PCDH15: variants seen among roughly 807,000 people sequenced by gnomAD.
PCDH15 encodes protocadherin-15.
PCDH15 carries 129 observed loss-of-function variants against 178.5 expected under a neutral mutation model. The observed-to-expected ratio is 0.72, with a 90% confidence interval of 0.63 to 0.84. PCDH15 has a LOEUF of 0.84. PCDH15 is among the 40% of genes least tolerant of loss of function. The probability of loss-of-function intolerance (pLI) is 0.00; values close to 1 mark genes in which losing one functional copy is unlikely to be tolerated. For missense variants in PCDH15, 2,230 were observed against 2,099.9 expected, an observed-to-expected ratio of 1.06 and a Z score of -1.21; for synonymous variants, 800 against 732.0, an observed-to-expected ratio of 1.09 and a Z score of -1.50.
At chr10:54,523,174 G>C (rs1243100450) in intron 3 of PCDH15, among the ~76,000 whole-genome samples, 1 of 152,154 alleles carries the variant, frequency 6.6e-6, no homozygotes, top group Non-Finnish European at 1.5e-5. Context: ...GGAGAATCTA[G>C]AAAGCAAAAA....
chr10:55,078,038 T>C (rs1313071714), intron 2 of PCDH15, among the ~76,000 whole-genome samples: 5 of 152,192 alleles, frequency 3.3e-5, no homozygotes, highest in Non-Finnish European at 7.3e-5. Context: ...GCATTTGCTT[T>C]CAGGGAAAGG....
chr10:53,940,865 CCTT>C lies in PCDH15; in HGVS notation c.3230_3232del (p.Glu1077del), dbSNP rs2085998615. 1 of 1,604,118 alleles carries C rather than the reference CCTT, an allele frequency of 6.2e-7. No homozygotes were observed. Among genetic ancestry groups the C allele is most frequent in the Non-Finnish European group, 8.5e-7 (1 of 1,171,036 alleles). On this transcript the variant is annotated inframe_deletion and splice_region_variant, in exon 24 of 38. Transcript: ENST00000644397. Reference sequence around the variant, plus strand: ...AGAACACAAACTAAAAGTCTACTCACCTTCTTCATTTCCTGAAACAATGGAGTA... The same window carrying C: ...AGAACACAAACTAAAAGTCTACTCACCTTCATTTCCTGAAACAATGGAGTA...
chr10:54,355,364 C>T (rs1026933444), intron 5 of PCDH15, among the ~76,000 whole-genome samples: 1 of 151,402 alleles, frequency 6.6e-6, no homozygotes, highest in African/African-American at 2.4e-5. Flanking sequence ...TTATTTTGGG[C>T]CCCTAAGAAA....
intron 25 of PCDH15, among the ~76,000 whole-genome samples, chr10:53,933,996 C>T (rs1029306458): frequency 2.0e-5 from 3 of 151,978 alleles, no homozygotes; most frequent in Non-Finnish European, 2.9e-5. Flanking sequence ...CTGTTCATGT[C>T]CTTCGCCCAC....
In PCDH15 at chr10:54,153,086, C is replaced by G; in HGVS notation, c.1784+14G>C. ...GCCCGATGAAAAGACTGCATTGGTT[C>G]TAATATAAATTACCTTCGCTCTGCA... On this transcript the variant is annotated intron_variant, in intron 14 of 37. Transcript: ENST00000644397. 1.2e-6 allele frequency: 2 copies of G among 1,613,502 alleles called. No individual in the cohort carries two copies. The highest frequency in any genetic ancestry group is 1.1e-5 in the South Asian group (1 of 91,054).
chr10:54,977,628 A>G (rs954426853), intron 2 of PCDH15, among the ~76,000 whole-genome samples: 1 of 152,178 alleles, frequency 6.6e-6, no homozygotes, highest in African/African-American at 2.4e-5. Context: ...AAAATGCCCA[A>G]TAAGCAGCCC....
At chr10:53,901,220 T>C (rs2082312679) in intron 26 of PCDH15, among the ~76,000 whole-genome samples, 1 of 152,152 alleles carries the variant, frequency 6.6e-6, no homozygotes, top group East Asian at 1.9e-4. Context: ...TATTTCTCTC[T>C]CAAGTCTAGA....
chr10:54,896,155 G>A (rs751642214), intron 3 of PCDH15, among the ~76,000 whole-genome samples: 1 of 152,144 alleles, frequency 6.6e-6, no homozygotes, highest in Non-Finnish European at 1.5e-5. Flanking sequence ...AAAGTGCTGG[G>A]ATTGCAAGGG....
At chr10:54,821,780 C>T (rs1035516219) in intron 3 of PCDH15, among the ~76,000 whole-genome samples, 7 of 152,058 alleles carry the variant, frequency 4.6e-5, no homozygotes, top group Non-Finnish European at 1.0e-4. Context: ...TGAGCATTGT[C>T]ATTTTTGGTA....
intron 2 of PCDH15, chr10:54,605,586 G>C (rs1021866182): frequency 5.3e-5 from 8 of 152,242 alleles, no homozygotes; most frequent in South Asian, 2.1e-4. Context: ...TCCAGAGTAT[G>C]CCAGCTCTCA....
chr10:53,871,739 T>C (rs1265276460), intron 26 of PCDH15, among the ~76,000 whole-genome samples: 1 of 151,646 alleles, frequency 6.6e-6, no homozygotes, highest in East Asian at 1.9e-4. Context: ...TGTTTTGTTT[T>C]GTTTTGTTTT....
intron 2 of PCDH15, among the ~76,000 whole-genome samples, chr10:55,059,987 T>TA (rs5785114): frequency 0.12 from 18,245 of 150,792 alleles, 1,239 homozygotes; most frequent in Middle Eastern, 0.2. Flanking sequence ...TACAAAAAAT[T>TA]AAAAAAAAAA....
intron 2 of PCDH15, among the ~76,000 whole-genome samples, chr10:54,644,522 T>C (rs2094077518): frequency 6.6e-6 from 1 of 152,038 alleles, no homozygotes; most frequent in Admixed American, 6.6e-5. Flanking sequence ...CCTTCTGGTA[T>C]TAAGAACATG....
At chr10:55,157,803 T>A (rs1238995492) in intron 2 of PCDH15, among the ~76,000 whole-genome samples, 1 of 148,894 alleles carries the variant, frequency 6.7e-6, no homozygotes, top group East Asian at 2.0e-4. Context: ...TGGGGCCTGC[T>A]GTGGGGTGGG....
intron 28 of PCDH15, among the ~76,000 whole-genome samples, chr10:53,852,454 G>C (rs1292993870): frequency 6.6e-6 from 1 of 151,928 alleles, no homozygotes; most frequent in Non-Finnish European, 1.5e-5. Flanking sequence ...TTACTTAGGG[G>C]AATTGGTCAA....
At chr10:54,571,520 C>A (rs569723573) in intron 2 of PCDH15, among the ~76,000 whole-genome samples, 3 of 151,862 alleles carry the variant, frequency 2.0e-5, no homozygotes, top group Admixed American at 2.0e-4. Context: ...TTATAACAAC[C>A]GAAAAGGCAA....
At chr10:55,527,764 T>A (rs1043181834) in intron 2 of PCDH15, among the ~76,000 whole-genome samples, 2 of 152,052 alleles carry the variant, frequency 1.3e-5, no homozygotes, top group Non-Finnish European at 2.9e-5. Flanking sequence ...ACCCTAAAAG[T>A]CCTGTCTTCA....
At chr10:54,110,975 T>C (rs1321769000) in intron 15 of PCDH15, among the ~76,000 whole-genome samples, 1 of 152,106 alleles carries the variant, frequency 6.6e-6, no homozygotes, top group Admixed American at 6.6e-5. Context: ...TAATTCTTGG[T>C]AGTTAAGTAT....
At chr10:55,256,775 C>G (rs1028393734) in intron 1 of PCDH15, among the ~76,000 whole-genome samples, 15 of 152,222 alleles carry the variant, frequency 9.9e-5, no homozygotes, top group Non-Finnish European at 8.8e-5. Flanking sequence ...GCCTGCCAGC[C>G]TCTGTAGACT....
Sources: allele counts gnomAD v4.1 joint callset (sites outside exome capture counted in the v4.1 genomes callset), GRCh38; gene constraint gnomAD v4.1.1; transcripts MANE v1.5; gene names NCBI Gene and HGNC (gene_info 2026-07-23, HGNC 2026-07-21).